Variants in TBC1D8B observed in about 807,000 individuals in gnomAD.
The protein encoded by TBC1D8B is TBC1 domain family member 8B.
A neutral mutation model predicts 82.9 loss-of-function variants in TBC1D8B; 75 were observed. That is an observed-to-expected ratio of 0.90 (90% CI 0.75 to 1.10). The LOEUF is 1.10. Among genes scored for constraint, TBC1D8B ranks in the 50% least tolerant of loss-of-function variants. The pLI, the probability that TBC1D8B is intolerant of heterozygous loss-of-function variation, is 0.00. For synonymous variants in TBC1D8B, 276 were observed against 276.8 expected (o/e 1.00, Z 0.03); for missense variants, 794 against 796.9 (o/e 1.00, Z 0.04).
At chrX:106,850,843 A>G (rs1389921028) in intron 12 of TBC1D8B, among the ~76,000 whole-genome samples, 1 of 111,793 alleles carries the variant, frequency 8.9e-6, no homozygotes, top group Non-Finnish European at 1.9e-5. Context: ...GCCACATGAA[A>G]TCCCATTATG....
At chrX:106,836,631 G>C (rs992910760) in intron 7 of TBC1D8B, among the ~76,000 whole-genome samples, 1 of 109,503 alleles carries the variant, frequency 9.1e-6, no homozygotes, top group Non-Finnish European at 1.9e-5. Context: ...AGCTGGTGTA[G>C]TTATAATCCA....
chrX:106,873,651 G>A lies in TBC1D8B; in HGVS notation c.3049G>A (p.Ala1017Thr). Residue 1017 changes from alanine to threonine, a missense_variant, in exon 21 of 21, where the codon GCT (alanine) becomes ACT (threonine). Physicochemically the swap from Ala to Thr is moderately conservative, Grantham distance 58. Transcript: ENST00000357242. ...AGAAGAATCATTATATCAAGCCATT[G>A]CTGTTGTAACCAGCCTTTTACTCAG... ...PEEESLYQAIAVVTSLLLRME... is the reference protein window; with the variant it reads ...PEEESLYQAITVVTSLLLRME... 8.3e-7 allele frequency: 1 copy of A among 1,211,169 alleles called. No individual in the cohort carries two copies. Among genetic ancestry groups the A allele is most frequent in the South Asian group, 1.8e-5 (1 of 56,892 alleles).
intron 1 of TBC1D8B, chrX:106,813,797 G>T (rs978439876): frequency 1.6e-4 from 17 of 109,309 alleles, no homozygotes; most frequent in Non-Finnish European, 2.7e-4. Flanking sequence ...CCTTTTTTTA[G>T]TATTTTCACA....
chrX:106,820,797 A>G, intron 2 of TBC1D8B, 80 bp from the exon 3 acceptor site: 1 of 662,642 alleles, frequency 1.5e-6, no homozygotes. Context: ...ATTTCTTTTT[A>G]AACTATGCTT....
At chrX:106,809,007 A>T (rs962441786) in intron 1 of TBC1D8B, among the ~76,000 whole-genome samples, 2 of 111,935 alleles carry the variant, frequency 1.8e-5, no homozygotes, top group Non-Finnish European at 3.8e-5. Flanking sequence ...TTTAAAAAGT[A>T]AAAGGCATTA....
intron 14 of TBC1D8B, among the ~76,000 whole-genome samples, chrX:106,861,580 T>A (rs773614745): frequency 6.5e-4 from 73 of 111,967 alleles, no homozygotes; most frequent in Non-Finnish European, 1.2e-3. Flanking sequence ...GCTTGGTAGA[T>A]TCTTCCTCAA....
chrX:106,806,601 C>A (rs1022785972), intron 1 of TBC1D8B, among the ~76,000 whole-genome samples: 1 of 111,309 alleles, frequency 9.0e-6, no homozygotes, highest in Non-Finnish European at 1.9e-5. Flanking sequence ...AATCAGGAAG[C>A]CTTCATATAG....
At chrX:106,816,601 T>C (rs1489803793) in intron 1 of TBC1D8B, among the ~76,000 whole-genome samples, 2 of 107,185 alleles carry the variant, frequency 1.9e-5, no homozygotes, top group African/African-American at 3.3e-5. Context: ...TTTTCTCATT[T>C]CTATTTTTTA....
intron 7 of TBC1D8B, among the ~76,000 whole-genome samples, chrX:106,830,350 C>G (rs1419218092): frequency 9.0e-6 from 1 of 111,580 alleles, no homozygotes; most frequent in African/African-American, 3.3e-5. Context: ...GTTGGTGGGA[C>G]TGTAAACTAG....
chrX:106,854,423 G>A (rs1191157368), intron 14 of TBC1D8B, 127 bp downstream of exon 14: 16 of 374,494 alleles, frequency 4.3e-5, no homozygotes, highest in Non-Finnish European at 6.7e-5. Context: ...TCCTTGCCAA[G>A]GTTTACCCTA....
Position 106,868,452 on chromosome X carries a change from T to A in TBC1D8B, c.2788T>A (p.Leu930Ile). The change falls in exon 18 of 21, where the codon TTA (leucine) becomes ATA (isoleucine). Residue 930 changes from leucine (L) to isoleucine (I), a missense_variant. Coordinates refer to ENST00000357242, the MANE Select transcript of TBC1D8B (RefSeq NM_017752.3). Reference protein sequence around the residue: ...SKGDELSKEELLYFSQLHVSK... With the variant: ...SKGDELSKEEILYFSQLHVSK... ...AGGAGATGAACTTTCCAAGGAAGAA[T>A]TACTTTATTTCAGTCAGCTGCATGG... 6 of 999,756 alleles carry A rather than the reference T, an allele frequency of 6.0e-6. No individual in the cohort carries two copies. Among genetic ancestry groups the A allele is most frequent in the Non-Finnish European group, 7.7e-6 (6 of 778,861 alleles). 82.4% of individuals were successfully genotyped at this position (999,756 alleles called of 1,213,427 possible).
chrX:106,867,565 A>G (rs1304657471), intron 17 of TBC1D8B, among the ~76,000 whole-genome samples: 5 of 111,693 alleles, frequency 4.5e-5, no homozygotes, highest in African/African-American at 1.6e-4. Context: ...TGTTTTTCCC[A>G]CTGACCTGAA....
chrX:106,843,158 T>C (rs1028202289), intron 10 of TBC1D8B, among the ~76,000 whole-genome samples: 1 of 111,415 alleles, frequency 9.0e-6, no homozygotes, highest in African/African-American at 3.3e-5. Context: ...AATATTCATG[T>C]ACAAGTTTTT....
chrX:106,875,749 G>C lies in TBC1D8B; in HGVS notation c.*1784G>C, dbSNP rs774784206. Reference sequence around the variant, plus strand: ...TTGTACACACTTTGCTGAATATTTTGTCAGTTGTATTTACAAAGAAAGGTA... The same window carrying C: ...TTGTACACACTTTGCTGAATATTTTCTCAGTTGTATTTACAAAGAAAGGTA... On this transcript the variant is annotated 3_prime_UTR_variant, in exon 21 of 21. Transcript: ENST00000357242. 8.9e-6 allele frequency: 1 copy of C among 111,840 alleles called. No homozygotes were observed. Among genetic ancestry groups the C allele is most frequent in the East Asian group, 2.8e-4 (1 of 3,561 alleles). The allele number at this position is 111,840 out of a possible 1,213,427, so 9.2% of individuals were successfully genotyped here.
At chrX:106,810,908 T>C (rs889966824) in intron 1 of TBC1D8B, among the ~76,000 whole-genome samples, 1 of 111,380 alleles carries the variant, frequency 9.0e-6, no homozygotes, top group East Asian at 2.8e-4. Flanking sequence ...ACCCCCCCAC[T>C]TTTTTGGTAG....
intron 10 of TBC1D8B, 38 bp downstream of exon 10, chrX:106,840,922 C>G: frequency 9.0e-7 from 1 of 1,112,501 alleles, no homozygotes; most frequent in Non-Finnish European, 1.2e-6. Context: ...GTGTATGTTC[C>G]AAATAAAATC....
At chrX:106,851,963 A>G (rs1187458108) in intron 12 of TBC1D8B, among the ~76,000 whole-genome samples, 2 of 109,801 alleles carry the variant, frequency 1.8e-5, no homozygotes, top group African/African-American at 6.6e-5. Context: ...TGGTATTTCT[A>G]GTTCTAGATC....
intron 1 of TBC1D8B, among the ~76,000 whole-genome samples, chrX:106,812,885 G>A (rs1421144678): frequency 9.1e-6 from 1 of 110,471 alleles, no homozygotes; most frequent in East Asian, 2.8e-4. Context: ...GTCTCACTCT[G>A]TTGCCCAGGT....
Position 106,873,900 on chromosome X carries a change from A to G in TBC1D8B, c.3298A>G (p.Ile1100Val). The G allele has an allele frequency of 2.5e-6, 3 of 1,207,073 alleles. No individual in the cohort carries two copies. In the South Asian group the frequency reaches 5.4e-5, roughly 22 times the overall value. Reference protein sequence around the residue: ...PALVRFFEKPIDVKAKLENAR... With the variant: ...PALVRFFEKPVDVKAKLENAR... ...ATTGGTGAGGTTTTTTGAGAAACCCATAGATGTAAAAGCCAAGCTGGAAAA... is the reference window on the plus strand; with the variant it reads ...ATTGGTGAGGTTTTTTGAGAAACCCGTAGATGTAAAAGCCAAGCTGGAAAA... Residue 1100 changes from isoleucine (I) to valine (V), a missense_variant, in exon 21 of 21, where the codon ATA becomes GTA. Physicochemically the swap from Ile to Val is conservative, Grantham distance 29. Transcript: ENST00000357242.
Sources: gnomAD v4.1 joint callset for allele counts (sites outside exome capture counted in the v4.1 genomes callset) on GRCh38, gnomAD v4.1.1 for gene constraint, MANE v1.5 for transcripts, NCBI Gene and HGNC (gene_info 2026-07-23, HGNC 2026-07-21) for gene names.